NAALADL2: variants seen among roughly 807,000 people sequenced by gnomAD.
NAALADL2 encodes inactive N-acetylated-alpha-linked acidic dipeptidase-like protein 2.
Under a neutral mutation model 87.2 loss-of-function variants are expected in NAALADL2, and 76 were observed. The ratio of observed to expected loss-of-function variants is 0.87; its 90% CI spans 0.72 to 1.05. NAALADL2 has a LOEUF of 1.05. NAALADL2 is among the 50% of genes least tolerant of loss of function. NAALADL2 has a pLI of 0.00. For missense variants in NAALADL2, 1,089 were observed against 945.8 expected, an observed-to-expected ratio of 1.15 and a Z score of -1.99; for synonymous variants, 354 against 331.0, an observed-to-expected ratio of 1.07 and a Z score of -0.75.
At chr3:174,851,726 C>T (rs1367290590) in intron 3 of NAALADL2, among the ~76,000 whole-genome samples, 1 of 152,080 alleles carries the variant, frequency 6.6e-6, no homozygotes, top group East Asian at 1.9e-4. Flanking sequence ...ATTTCAAACT[C>T]TTTCTACAAG....
chr3:174,582,599 G>A (rs1197247202), intron 2 of NAALADL2, among the ~76,000 whole-genome samples: 1 of 150,150 alleles, frequency 6.7e-6, no homozygotes, highest in African/African-American at 2.4e-5. Context: ...CTTTTTTTTT[G>A]GAAATGGAGT....
At chr3:175,687,227 A>C (rs940509626) in intron 11 of NAALADL2, among the ~76,000 whole-genome samples, 6 of 152,204 alleles carry the variant, frequency 3.9e-5, no homozygotes, top group African/African-American at 1.4e-4. Flanking sequence ...TTGCAAATTA[A>C]GTATTTAGAA....
chr3:174,989,643 G>GA (rs960386684), intron 1 of NAALADL2, among the ~76,000 whole-genome samples: 4 of 152,092 alleles, frequency 2.6e-5, no homozygotes, highest in African/African-American at 9.7e-5. Flanking sequence ...CTAAAGGAAA[G>GA]AAGAAATGAT....
intron 9 of NAALADL2, among the ~76,000 whole-genome samples, chr3:175,542,387 T>C (rs112983632): frequency 4.6e-5 from 7 of 152,360 alleles, no homozygotes; most frequent in African/African-American, 1.7e-4. Context: ...ATCTGTTTCC[T>C]GGCATTTGTG....
chr3:175,220,191 T>A (rs946063035), intron 2 of NAALADL2, among the ~76,000 whole-genome samples: 2 of 147,750 alleles, frequency 1.4e-5, no homozygotes, highest in African/African-American at 4.9e-5. Flanking sequence ...ATTTTTCTTG[T>A]AATATTTTTG....
intron 11 of NAALADL2, among the ~76,000 whole-genome samples, chr3:175,636,099 G>A (rs1206238075): frequency 2.0e-5 from 3 of 151,834 alleles, no homozygotes; most frequent in Non-Finnish European, 4.4e-5. Context: ...ACACACACAC[G>A]CACATACACA....
chr3:175,674,249 T>G (rs1734414712), intron 11 of NAALADL2, among the ~76,000 whole-genome samples: 1 of 109,096 alleles, frequency 9.2e-6, no homozygotes, highest in South Asian at 2.4e-4. Context: ...CTGATAGTGT[T>G]TTTTTTTTTT....
Position 174,885,234 on chromosome 3 carries a change from G to A in NAALADL2, c.43+25784G>A, listed in dbSNP as rs140970373. Among the ~76,000 whole-genome samples, 752 of 152,158 alleles carry A rather than the reference G, an allele frequency of 4.9e-3. 2 individuals are homozygous for A. Among genetic ancestry groups the A allele is most frequent in the African/African-American group, 0.011 (440 of 41,534 alleles). ...GTGCATGCACCTTTCATTGCAGGTC[G>A]GCCACTCGCATGATAAGATCTTGTG... is the stretch of plus-strand genomic sequence containing the variant. On this transcript the variant is annotated intron_variant, in intron 1 of 13. Coordinates refer to ENST00000454872, the MANE Select transcript of NAALADL2 (RefSeq NM_207015.3).
Position 175,738,446 on chromosome 3 carries a change from C to T in NAALADL2, c.1990+1047C>T, listed in dbSNP as rs111300373. Among the ~76,000 whole-genome samples, 152 of 152,214 alleles carry T rather than the reference C, an allele frequency of 1.0e-3. 1 individual carries two copies. Among genetic ancestry groups the T allele is most frequent in the East Asian group, 5.0e-3 (26 of 5,158 alleles). ...TATTTCAGTAGAGATGGGGTTTCACCGTGTTGTCCAGGCTGGTCGCAAATT... is the reference window on the plus strand; with the variant it reads ...TATTTCAGTAGAGATGGGGTTTCACTGTGTTGTCCAGGCTGGTCGCAAATT... On this transcript the variant is annotated intron_variant, in intron 12 of 13. Coordinates refer to ENST00000454872, the MANE Select transcript of NAALADL2 (RefSeq NM_207015.3).
At chr3:174,939,444 GC>G (rs1738234778) in intron 1 of NAALADL2, among the ~76,000 whole-genome samples, 1 of 151,938 alleles carries the variant, frequency 6.6e-6, no homozygotes, top group Admixed American at 6.6e-5. Context: ...GTAATATGAT[GC>G]CTTCAGTTTT....
chr3:175,660,341 A>G (rs1449990181), intron 11 of NAALADL2, among the ~76,000 whole-genome samples: 1 of 152,172 alleles, frequency 6.6e-6, no homozygotes, highest in Admixed American at 6.6e-5. Flanking sequence ...TAATGACTGA[A>G]AAAACTCACA....
intron 2 of NAALADL2, chr3:174,631,764 T>A (rs1722136277): frequency 1.3e-5 from 2 of 152,204 alleles, no homozygotes; most frequent in South Asian, 4.1e-4. Context: ...TACATAAGCT[T>A]AAATATTGTG....
At chr3:174,598,297 G>T (rs917429629) in intron 2 of NAALADL2, among the ~76,000 whole-genome samples, 1 of 152,130 alleles carries the variant, frequency 6.6e-6, no homozygotes, top group Non-Finnish European at 1.5e-5. Flanking sequence ...TTGAGTTAGT[G>T]TGACTAGAAT....
intron 2 of NAALADL2, among the ~76,000 whole-genome samples, chr3:174,673,307 A>G (rs1726743403): frequency 6.6e-6 from 1 of 152,030 alleles, no homozygotes; most frequent in Admixed American, 6.6e-5. Flanking sequence ...TAAATTTCAT[A>G]AAGAAGAATA....
Position 175,436,299 on chromosome 3 carries a change from C to T in NAALADL2, c.1091-10930C>T, listed in dbSNP as rs575488210. Among the ~76,000 whole-genome samples, 84 of 148,272 alleles carry T rather than the reference C, an allele frequency of 5.7e-4. No individual in the cohort carries two copies. In the East Asian group the frequency reaches 0.016, roughly 27 times the overall value. The stretch of plus-strand genomic sequence containing the variant: ...AAGTCTTTGCTATTGTGAATAATGC[C>T]GCAATAAACATACGTGTGCATGCGT... On this transcript the variant is annotated intron_variant, in intron 5 of 13. Transcript: ENST00000454872.
intron 10 of NAALADL2, among the ~76,000 whole-genome samples, chr3:175,612,358 G>A (rs964885475): frequency 6.6e-6 from 1 of 152,156 alleles, no homozygotes; most frequent in African/African-American, 2.4e-5. Flanking sequence ...GAGTAGTACA[G>A]TAAGTGATAA....
chr3:174,825,552 A>G (rs965259545), intron 3 of NAALADL2, among the ~76,000 whole-genome samples: 1 of 152,182 alleles, frequency 6.6e-6, no homozygotes, highest in Non-Finnish European at 1.5e-5. Flanking sequence ...TGTTCCAGAA[A>G]TACCCACACA....
chr3:175,585,763 C>G (rs1720459028), intron 10 of NAALADL2, among the ~76,000 whole-genome samples: 1 of 151,814 alleles, frequency 6.6e-6, no homozygotes, highest in Admixed American at 6.6e-5. Flanking sequence ...TGACGATTTT[C>G]CTTGTCTCTT....
intron 9 of NAALADL2, among the ~76,000 whole-genome samples, chr3:175,485,066 A>G (rs1171415835): frequency 6.6e-6 from 1 of 152,196 alleles, no homozygotes; most frequent in Non-Finnish European, 1.5e-5. Context: ...ATCCTGGTTT[A>G]ACAATGTATT....
Sources: allele counts gnomAD v4.1 joint callset (sites outside exome capture counted in the v4.1 genomes callset), GRCh38; gene constraint gnomAD v4.1.1; transcripts MANE v1.5; gene names NCBI Gene and HGNC (gene_info 2026-07-23, HGNC 2026-07-21).